KLHL13: variants seen among roughly 807,000 people sequenced by gnomAD.
KLHL13 encodes kelch like family member 13.
A neutral mutation model predicts 37.1 loss-of-function variants in KLHL13; 10 were observed. The observed-to-expected ratio is 0.27, with a 90% CI of 0.17 to 0.46. The LOEUF (loss-of-function observed/expected upper bound fraction) is 0.46, where lower values mean the gene tolerates loss of function less well. Ranked by LOEUF, KLHL13 falls within the 20% of genes least tolerant of loss-of-function variation. The probability of loss-of-function intolerance (pLI) is 1.00; values close to 1 mark genes in which losing one functional copy is unlikely to be tolerated. For synonymous variants in KLHL13, 163 were observed against 181.2 expected (o/e 0.90, Z 0.81); for missense variants, 360 against 509.3 (o/e 0.71, Z 2.82).
In KLHL13 at chrX:117,980,522, G is replaced by A. The variant is rs182039918; in HGVS notation, c.-55-34947C>T. On this transcript the variant is annotated intron_variant, in intron 1 of 6. Transcript: ENST00000371882. ...CAAAAATGAGGTTAGAAGATCACCT[G>A]GTTATCCAATCTCTTCCTCTTCCTA... Among the ~76,000 whole-genome samples the A allele has an allele frequency of 2.7e-5, 3 of 111,236 alleles. No individual in the cohort carries two copies. In the East Asian group the frequency reaches 8.5e-4, roughly 31 times the overall value.
At chrX:117,952,251 A>C (rs1162605936) in intron 1 of KLHL13, among the ~76,000 whole-genome samples, 1 of 111,431 alleles carries the variant, frequency 9.0e-6, no homozygotes, top group Non-Finnish European at 1.9e-5. Flanking sequence ...ATAATGCCGC[A>C]TATCTACAAC....
At chrX:118,022,247 A>G (rs978971211) in intron 1 of KLHL13, among the ~76,000 whole-genome samples, 2 of 112,030 alleles carry the variant, frequency 1.8e-5, no homozygotes, top group Non-Finnish European at 3.8e-5. Context: ...CCAGTCATCC[A>G]TTGAAAGTTG....
intron 1 of KLHL13, among the ~76,000 whole-genome samples, chrX:118,020,175 G>C (rs781685714): frequency 1.8e-4 from 19 of 108,206 alleles, no homozygotes; most frequent in African/African-American, 6.4e-4. Context: ...TCCTTGAGCA[G>C]TGGTTTGTAG....
chrX:117,966,316 C>T (rs1433819527), intron 1 of KLHL13, among the ~76,000 whole-genome samples: 1 of 111,207 alleles, frequency 9.0e-6, no homozygotes, highest in East Asian at 2.8e-4. Context: ...ACAATTGCTT[C>T]AAAGAGAATA....
At chrX:117,922,637 G>T (rs773660365) in intron 2 of KLHL13, among the ~76,000 whole-genome samples, 16 of 111,676 alleles carry the variant, frequency 1.4e-4, no homozygotes, top group African/African-American at 5.2e-4. Flanking sequence ...TTCGTTTGTG[G>T]TAGTTTGTGG....
At chrX:117,979,956 G>A (rs1208655789) in intron 1 of KLHL13, among the ~76,000 whole-genome samples, 1 of 111,917 alleles carries the variant, frequency 8.9e-6, no homozygotes. Context: ...TTTTCTGATT[G>A]AATCTGTGAA....
intron 1 of KLHL13, among the ~76,000 whole-genome samples, chrX:118,000,559 A>T (rs965821668): frequency 9.8e-5 from 11 of 111,768 alleles, no homozygotes; most frequent in Non-Finnish European, 1.9e-4. Flanking sequence ...AATTTCAAAA[A>T]CATTTTGGGG....
chrX:118,041,173 T>C (rs2054502857), intron 1 of KLHL13, among the ~76,000 whole-genome samples: 1 of 112,018 alleles, frequency 8.9e-6, no homozygotes, highest in South Asian at 3.7e-4. Context: ...CACAGAATAT[T>C]ATAACACAGT....
chrX:118,100,421 C>A (rs1371541143), intron 1 of KLHL13, among the ~76,000 whole-genome samples: 1 of 111,827 alleles, frequency 8.9e-6, no homozygotes, highest in Non-Finnish European at 1.9e-5. Context: ...TTGCTACTTA[C>A]ACTCACTTTC....
chrX:118,049,874 C>A (rs2054595493), intron 1 of KLHL13, among the ~76,000 whole-genome samples: 1 of 111,610 alleles, frequency 9.0e-6, no homozygotes, highest in African/African-American at 3.3e-5. Context: ...TGGCCAAGTG[C>A]CAGAGTGGCT....
intron 2 of KLHL13, among the ~76,000 whole-genome samples, chrX:117,936,100 A>T (rs1050172403): frequency 1.8e-5 from 2 of 111,826 alleles, no homozygotes; most frequent in African/African-American, 6.5e-5. Flanking sequence ...AGATGCTGAC[A>T]ACCTGGAATA....
At chrX:118,097,867 G>T (rs1225284290) in intron 1 of KLHL13, among the ~76,000 whole-genome samples, 2 of 111,668 alleles carry the variant, frequency 1.8e-5, no homozygotes, top group Non-Finnish European at 3.8e-5. Flanking sequence ...GGGAAAACTG[G>T]CTAGCCATAT....
chrX:117,967,519 G>A (rs1213516662), intron 1 of KLHL13, among the ~76,000 whole-genome samples: 1 of 111,559 alleles, frequency 9.0e-6, no homozygotes, highest in Admixed American at 9.6e-5. Context: ...ATGGTATGGA[G>A]ATATGAAATT....
At chrX:117,925,701 T>C (rs540636555) in intron 2 of KLHL13, among the ~76,000 whole-genome samples, 5 of 112,413 alleles carry the variant, frequency 4.4e-5, no homozygotes, top group South Asian at 7.4e-4. Context: ...CAGAGACTTC[T>C]TTGATCTGAT....
chrX:117,928,672 T>C (rs1041837486), intron 2 of KLHL13, among the ~76,000 whole-genome samples: 3 of 111,331 alleles, frequency 2.7e-5, no homozygotes, highest in African/African-American at 9.8e-5. Flanking sequence ...ACATCAAAAA[T>C]TGTGGAGTGC....
intron 1 of KLHL13, among the ~76,000 whole-genome samples, chrX:118,032,744 T>C (rs1287448352): frequency 8.9e-6 from 1 of 112,345 alleles, no homozygotes; most frequent in Non-Finnish European, 1.9e-5. Flanking sequence ...GGACGGAGAA[T>C]GACTTTGACG....
chrX:118,099,021 A>G (rs1343747376), intron 1 of KLHL13, among the ~76,000 whole-genome samples: 1 of 103,131 alleles, frequency 9.7e-6, no homozygotes, highest in Non-Finnish European at 2.0e-5. Flanking sequence ...ATGATGAGTT[A>G]ATGGGTGCAG....
chrX:117,982,840 G>A (rs2053678665), intron 1 of KLHL13, among the ~76,000 whole-genome samples: 1 of 111,340 alleles, frequency 9.0e-6, no homozygotes, highest in Admixed American at 9.6e-5. Flanking sequence ...GCCTGCCTTA[G>A]CATATGAACA....
chrX:117,903,179 C>CA (rs1930238988), intron 5 of KLHL13, among the ~76,000 whole-genome samples: 5 of 92,305 alleles, frequency 5.4e-5, no homozygotes, highest in Non-Finnish European at 1.1e-4. Context: ...GAGAGGAGAG[C>CA]GAGAGAGAGA....
Sources: allele counts gnomAD v4.1 joint callset (sites outside exome capture counted in the v4.1 genomes callset), GRCh38; gene constraint gnomAD v4.1.1; transcripts MANE v1.5; gene names NCBI Gene and HGNC (gene_info 2026-07-23, HGNC 2026-07-21).